MEIS1: variants seen among roughly 807,000 people sequenced by gnomAD.
The protein encoded by MEIS1 is Meis homeobox 1.
In MEIS1, 5 loss-of-function variants were observed where a neutral mutation model predicts 50.8. The ratio of observed to expected loss-of-function variants is 0.10; its 90% CI spans 0.05 to 0.21. The LOEUF (loss-of-function observed/expected upper bound fraction) is 0.21, where lower values mean the gene tolerates loss of function less well. Among genes scored for constraint, MEIS1 ranks in the 10% least tolerant of loss-of-function variants. The pLI is 1.00. For missense variants in MEIS1, 318 were observed against 517.3 expected, an observed-to-expected ratio of 0.61 and a Z score of 3.74; for synonymous variants, 176 against 179.3, an observed-to-expected ratio of 0.98 and a Z score of 0.15.
At chr2:66,483,601 A>C (rs1404278416) in intron 7 of MEIS1, among the ~76,000 whole-genome samples, 1 of 152,108 alleles carries the variant, frequency 6.6e-6, no homozygotes, top group African/African-American at 2.4e-5. Flanking sequence ...CTTTTACCTG[A>C]GGAGGCAGTG....
At chr2:66,445,929 G>A (rs187572856) in intron 6 of MEIS1, among the ~76,000 whole-genome samples, 6 of 152,248 alleles carry the variant, frequency 3.9e-5, no homozygotes, top group Non-Finnish European at 5.9e-5. Context: ...CTTCCGGGCC[G>A]CCTGGAGGTC....
Position 66,536,483 on chromosome 2 carries a change from T to G in MEIS1, c.889-11460T>G, listed in dbSNP as rs1235094051. Among the ~76,000 whole-genome samples, 8 of 152,348 alleles carry G rather than the reference T, an allele frequency of 5.3e-5. No homozygotes were observed. In the East Asian group the frequency reaches 1.5e-3, roughly 29 times the overall value. On this transcript the variant is annotated intron_variant, in intron 8 of 12. Coordinates refer to ENST00000272369, the MANE Select transcript of MEIS1 (RefSeq NM_002398.3). ...ATTATACCCGTAGCAATGCAAAGCATGTTTTACACTTTTGTTATACAAAAG... is the reference window on the plus strand; with the variant it reads ...ATTATACCCGTAGCAATGCAAAGCAGGTTTTACACTTTTGTTATACAAAAG...
intron 8 of MEIS1, among the ~76,000 whole-genome samples, chr2:66,518,970 G>T (rs936879547): frequency 3.3e-5 from 5 of 152,168 alleles, no homozygotes; most frequent in Non-Finnish European, 7.3e-5. Flanking sequence ...GACTGAACTG[G>T]TAACATCCAC....
At chr2:66,538,775 A>G (rs536931070) in intron 8 of MEIS1, among the ~76,000 whole-genome samples, 1 of 152,208 alleles carries the variant, frequency 6.6e-6, no homozygotes, top group Admixed American at 6.5e-5. Flanking sequence ...ACACACCCCA[A>G]TTTGTTTCAA....
intron 8 of MEIS1, among the ~76,000 whole-genome samples, chr2:66,543,303 T>C (rs1214398851): frequency 6.6e-6 from 1 of 152,232 alleles, no homozygotes; most frequent in Non-Finnish European, 1.5e-5. Context: ...ACTGGTTCAT[T>C]ATTGGAAGTC....
At chr2:66,439,435 A>G in intron 2 of MEIS1, 1 of 1,326,302 alleles carries the variant, frequency 7.5e-7, no homozygotes, top group South Asian at 2.2e-5. Flanking sequence ...ACCCGCAGGA[A>G]CCAGCCCTCC....
chr2:66,558,279 CAA>C (rs59017279), intron 9 of MEIS1, among the ~76,000 whole-genome samples: 625 of 57,052 alleles, frequency 0.011, 2 homozygotes, highest in East Asian at 0.1. Flanking sequence ...AACTCCATCT[CAA>C]AAAAAAAAAA....
At chr2:66,444,714 G>T (rs1672087078) in intron 6 of MEIS1, among the ~76,000 whole-genome samples, 1 of 152,240 alleles carries the variant, frequency 6.6e-6, no homozygotes, top group South Asian at 2.1e-4. Flanking sequence ...TGGCCCGGGA[G>T]CTGTTGAGTG....
At chr2:66,479,508 G>A (rs1672969152) in intron 7 of MEIS1, among the ~76,000 whole-genome samples, 1 of 152,094 alleles carries the variant, frequency 6.6e-6, no homozygotes, top group Non-Finnish European at 1.5e-5. Context: ...AGCCAATGAT[G>A]TTTCTATGAT....
intron 6 of MEIS1, among the ~76,000 whole-genome samples, chr2:66,463,305 A>T (rs1672562453): frequency 6.6e-6 from 1 of 152,052 alleles, no homozygotes. Flanking sequence ...CAGGATGACC[A>T]GTGACTCATG....
chr2:66,485,822 G>A (rs1038159803), intron 7 of MEIS1, among the ~76,000 whole-genome samples: 5 of 152,142 alleles, frequency 3.3e-5, no homozygotes, highest in African/African-American at 9.7e-5. Flanking sequence ...TCTCACTGTG[G>A]TTTTGATTTG....
At chr2:66,470,741 G>A (rs530786854) in intron 7 of MEIS1, among the ~76,000 whole-genome samples, 2 of 152,168 alleles carry the variant, frequency 1.3e-5, no homozygotes, top group Admixed American at 6.5e-5. Flanking sequence ...ATTTACAGCC[G>A]AGTAGAGATA....
chr2:66,454,800 C>T (rs980097939), intron 6 of MEIS1: 1 of 152,038 alleles, frequency 6.6e-6, no homozygotes, highest in Non-Finnish European at 1.5e-5. Flanking sequence ...ATCAGGTATA[C>T]TGGCATGTAA....
intron 2 of MEIS1, chr2:66,439,527 CTT>C (rs1671895776): frequency 6.7e-7 from 1 of 1,492,304 alleles, no homozygotes; most frequent in Non-Finnish European, 8.9e-7. Flanking sequence ...GGGTGGGAAA[CTT>C]AATTCAAAAT....
At chr2:66,482,564 G>A (rs1572843914) in intron 7 of MEIS1, among the ~76,000 whole-genome samples, 1 of 152,212 alleles carries the variant, frequency 6.6e-6, no homozygotes, top group Non-Finnish European at 1.5e-5. Flanking sequence ...AATGACATAT[G>A]AGGAAGGATC....
chr2:66,563,226 T>G (rs1337132725), intron 9 of MEIS1, among the ~76,000 whole-genome samples: 1 of 152,156 alleles, frequency 6.6e-6, no homozygotes, highest in Non-Finnish European at 1.5e-5. Context: ...ATTCTAAGAT[T>G]GTGTGTATTT....
At chr2:66,472,941 C>G (rs1408305646) in intron 7 of MEIS1, among the ~76,000 whole-genome samples, 1 of 152,012 alleles carries the variant, frequency 6.6e-6, no homozygotes, top group African/African-American at 2.4e-5. Context: ...GGAGAGGACC[C>G]CTTTGGCAGT....
chr2:66,495,433 A>T (rs1673377847), intron 7 of MEIS1, among the ~76,000 whole-genome samples: 1 of 152,176 alleles, frequency 6.6e-6, no homozygotes, highest in African/African-American at 2.4e-5. Context: ...TCTCCATTAC[A>T]GGAGGGGGAA....
intron 8 of MEIS1, among the ~76,000 whole-genome samples, chr2:66,539,341 A>ACT (rs1187074239): frequency 1.3e-5 from 2 of 152,246 alleles, no homozygotes; most frequent in African/African-American, 4.8e-5. Flanking sequence ...TAGAAATAAA[A>ACT]GGTACACACA....
Sources: allele counts gnomAD v4.1 joint callset (sites outside exome capture counted in the v4.1 genomes callset), GRCh38; gene constraint gnomAD v4.1.1; transcripts MANE v1.5; gene names NCBI Gene and HGNC (gene_info 2026-07-23, HGNC 2026-07-21).